CDH18: variants seen among roughly 807,000 people sequenced by gnomAD.
CDH18 encodes the protein cadherin 18.
Under a neutral mutation model 67.9 loss-of-function variants are expected in CDH18, and 31 were observed. The ratio of observed to expected loss-of-function variants is 0.46; its 90% CI spans 0.34 to 0.62. CDH18 has a LOEUF of 0.62. Among genes scored for constraint, CDH18 ranks in the 20% least tolerant of loss-of-function variants. The pLI, the probability that CDH18 is intolerant of heterozygous loss-of-function variation, is 0.01. For missense variants in CDH18, 890 were observed against 975.5 expected, an observed-to-expected ratio of 0.91 and a Z score of 1.17; for synonymous variants, 362 against 347.2, an observed-to-expected ratio of 1.04 and a Z score of -0.48.
intron 5 of CDH18, among the ~76,000 whole-genome samples, chr5:19,626,998 A>G (rs1418801125): frequency 8.5e-5 from 13 of 152,198 alleles, no homozygotes; most frequent in Admixed American, 6.5e-4. Context: ...AAATTGTGTT[A>G]CTATATTTTA....
chr5:20,036,942 T>C (rs1739918140), intron 2 of CDH18, among the ~76,000 whole-genome samples: 1 of 150,928 alleles, frequency 6.6e-6, no homozygotes. Context: ...CAACCCCTGC[T>C]TTTTTTTTGC....
intron 2 of CDH18, among the ~76,000 whole-genome samples, chr5:20,143,736 G>A (rs1248919190): frequency 1.3e-5 from 2 of 152,174 alleles, no homozygotes; most frequent in South Asian, 2.1e-4. Context: ...GTAGTGAAAT[G>A]TGAGAGGTGA....
At chr5:20,549,028 T>C (rs1040070355) in intron 1 of CDH18, among the ~76,000 whole-genome samples, 9 of 152,120 alleles carry the variant, frequency 5.9e-5, no homozygotes, top group Non-Finnish European at 1.2e-4. Context: ...TCCTTAGACA[T>C]AGTGGTCAAA....
intron 1 of CDH18, among the ~76,000 whole-genome samples, chr5:20,519,364 G>A (rs889811515): frequency 1.3e-5 from 2 of 151,964 alleles, no homozygotes; most frequent in Non-Finnish European, 2.9e-5. Context: ...GCAAACTATC[G>A]CAAGGACAAA....
chr5:20,538,658 T>C (rs1469884225), intron 1 of CDH18, among the ~76,000 whole-genome samples: 2 of 152,152 alleles, frequency 1.3e-5, no homozygotes, highest in Non-Finnish European at 1.5e-5. Flanking sequence ...GATTCTTCTA[T>C]TATTTGAGGA....
chr5:20,135,831 G>A (rs1046902458), intron 2 of CDH18, among the ~76,000 whole-genome samples: 1 of 152,124 alleles, frequency 6.6e-6, no homozygotes, highest in Non-Finnish European at 1.5e-5. Context: ...CTTTATTTCT[G>A]CCTTCATTTC....
chr5:20,356,519 T>C (rs925510800), intron 1 of CDH18, among the ~76,000 whole-genome samples: 6 of 152,112 alleles, frequency 3.9e-5, no homozygotes, highest in Non-Finnish European at 8.8e-5. Context: ...TGACTAGAGA[T>C]TTATTATAAA....
At chr5:20,062,669 C>A (rs1246994028) in intron 2 of CDH18, among the ~76,000 whole-genome samples, 3 of 152,082 alleles carry the variant, frequency 2.0e-5, no homozygotes, top group Non-Finnish European at 4.4e-5. Context: ...CCTTTACTGA[C>A]TTGGGAACAA....
chr5:19,912,218 A>C (rs1791232073), intron 2 of CDH18, among the ~76,000 whole-genome samples: 1 of 152,208 alleles, frequency 6.6e-6, no homozygotes. Flanking sequence ...GTAAAAGCAA[A>C]GCCAATGGAA....
At chr5:20,493,928 C>CAAAAA (rs1753742814) in intron 1 of CDH18, among the ~76,000 whole-genome samples, 1 of 149,566 alleles carries the variant, frequency 6.7e-6, no homozygotes, top group Non-Finnish European at 1.5e-5. Flanking sequence ...GTTAAGAAAA[C>CAAAAA]AAAAACAAAA....
In CDH18 at chr5:19,773,687, G is replaced by T. The variant is rs181229950; in HGVS notation, c.229-26451C>A. Among the ~76,000 whole-genome samples the T allele has an allele frequency of 7.0e-4, 107 of 152,268 alleles. 1 individual carries two copies. The highest frequency in any genetic ancestry group is 1.0e-3 in the Non-Finnish European group (68 of 68,014). ...TAATATAGAAGACACTAAAATGTAA[G>T]TGAGAGTTTAAAAATAGAAGATGAT... On this transcript the variant is annotated intron_variant, in intron 3 of 12. Coordinates refer to ENST00000382275, the MANE Select transcript of CDH18 (RefSeq NM_004934.5).
intron 1 of CDH18, among the ~76,000 whole-genome samples, chr5:19,985,740 TA>T (rs887917967): frequency 9.4e-5 from 14 of 148,526 alleles, no homozygotes; most frequent in Admixed American, 2.7e-4. Flanking sequence ...TGTACTTAAT[TA>T]AAAAAAAAAG....
chr5:19,549,005 C>G (rs547960630), intron 8 of CDH18, among the ~76,000 whole-genome samples: 83 of 152,246 alleles, frequency 5.5e-4, no homozygotes, highest in African/African-American at 2.0e-3. Flanking sequence ...CTGCCTCGGC[C>G]TCCCAAAGTG....
intron 5 of CDH18, among the ~76,000 whole-genome samples, chr5:19,687,373 C>A (rs1186052046): frequency 2.6e-5 from 4 of 152,218 alleles, no homozygotes; most frequent in Non-Finnish European, 4.4e-5. Context: ...AGTTCACTGA[C>A]ATTCCTCCCC....
chr5:20,402,763 G>A (rs1379118848), intron 1 of CDH18, among the ~76,000 whole-genome samples: 1 of 151,986 alleles, frequency 6.6e-6, no homozygotes, highest in African/African-American at 2.4e-5. Flanking sequence ...GTTGAAGTTT[G>A]GGGGTGGCTG....
intron 2 of CDH18, among the ~76,000 whole-genome samples, chr5:19,934,444 C>A (rs1423677132): frequency 6.6e-6 from 1 of 151,380 alleles, no homozygotes; most frequent in African/African-American, 2.4e-5. Context: ...TATATTTATG[C>A]ACAAGCCTTC....
intron 1 of CDH18, among the ~76,000 whole-genome samples, chr5:20,319,610 A>G (rs1737803199): frequency 6.6e-6 from 1 of 152,198 alleles, no homozygotes; most frequent in Non-Finnish European, 1.5e-5. Context: ...TAACCACAAA[A>G]CATGTTAATC....
chr5:20,115,537 A>G (rs534880190), intron 2 of CDH18, among the ~76,000 whole-genome samples: 42 of 151,894 alleles, frequency 2.8e-4, no homozygotes, highest in African/African-American at 9.9e-4. Flanking sequence ...TCAGCCTCTT[A>G]AAGTGCTGGG....
rs368773096 is a variant in CDH18 at position 19,921,744 on chromosome 5, A to G, written c.-257+59316T>C. On this transcript the variant is annotated intron_variant, in intron 2 of 12. Transcript: ENST00000382275. ...ATGCAACATCAGTCATAAGTAGAAA[A>G]GTTCAAAATTAGCATATTTTTCACT... is the stretch of plus-strand genomic sequence containing the variant. Among the ~76,000 whole-genome samples, 101 of 152,274 alleles carry G rather than the reference A, an allele frequency of 6.6e-4. No individual in the cohort carries two copies. In the South Asian group the frequency reaches 0.019, roughly 28 times the overall value.
Sources: gnomAD v4.1 joint callset for allele counts (sites outside exome capture counted in the v4.1 genomes callset) on GRCh38, gnomAD v4.1.1 for gene constraint, MANE v1.5 for transcripts, NCBI Gene and HGNC (gene_info 2026-07-23, HGNC 2026-07-21) for gene names.